Variants in GBE1 observed in about 807,000 individuals in gnomAD.
GBE1 encodes 1,4-alpha-glucan-branching enzyme.
In GBE1, 70 loss-of-function variants were observed where a neutral mutation model predicts 88.8. The ratio of observed to expected loss-of-function variants is 0.79; its 90% CI spans 0.65 to 0.96. The LOEUF is 0.96. Ranked by LOEUF, GBE1 falls within the 40% of genes least tolerant of loss-of-function variation. The pLI, the probability that GBE1 is intolerant of heterozygous loss-of-function variation, is 0.00. For missense variants in GBE1, 872 were observed against 871.0 expected (o/e 1.00, Z -0.01); for synonymous variants, 284 against 300.1 (o/e 0.95, Z 0.56).
chr3:81,670,135 A>C (rs936504552), intron 3 of GBE1, among the ~76,000 whole-genome samples: 2 of 152,214 alleles, frequency 1.3e-5, no homozygotes, highest in Non-Finnish European at 2.9e-5. Context: ...TCTTATAATC[A>C]AATGCCTTAA....
intron 5 of GBE1, 91 bp from the exon 6 acceptor site, chr3:81,646,573 A>C: frequency 1.4e-6 from 1 of 710,750 alleles, no homozygotes; most frequent in Non-Finnish European, 2.4e-6. Context: ...AAATACATTA[A>C]AATTTACAAA....
chr3:81,549,846 T>C (rs962548229), intron 12 of GBE1, among the ~76,000 whole-genome samples: 12 of 151,400 alleles, frequency 7.9e-5, no homozygotes, highest in African/African-American at 2.9e-4. Context: ...CTAGTAAAAA[T>C]GGGAAACTGG....
At chr3:81,593,178 C>A (rs1703904252) in intron 8 of GBE1, among the ~76,000 whole-genome samples, 1 of 151,978 alleles carries the variant, frequency 6.6e-6, no homozygotes, top group African/African-American at 2.4e-5. Context: ...ACCTAGCCAA[C>A]AGGGTGAAAC....
chr3:81,522,550 A>C (rs2106848454), intron 14 of GBE1, among the ~76,000 whole-genome samples: 1 of 151,500 alleles, frequency 6.6e-6, no homozygotes, highest in Non-Finnish European at 1.5e-5. Flanking sequence ...TGCCCCCCCC[A>C]AATTTAAAAT....
intron 12 of GBE1, among the ~76,000 whole-genome samples, chr3:81,572,532 T>C (rs2106925720): frequency 6.6e-6 from 1 of 152,340 alleles, no homozygotes; most frequent in Non-Finnish European, 1.5e-5. Context: ...AAATTTATGA[T>C]TAATTTTTAA....
At chr3:81,754,270 A>T (rs544485907) in intron 1 of GBE1, among the ~76,000 whole-genome samples, 28 of 152,280 alleles carry the variant, frequency 1.8e-4, no homozygotes, top group Admixed American at 9.2e-4. Flanking sequence ...AAAGATCTAT[A>T]CAAGGAAAAC....
chr3:81,662,951 T>C (rs1576190438), intron 3 of GBE1, among the ~76,000 whole-genome samples: 2 of 152,166 alleles, frequency 1.3e-5, no homozygotes, highest in African/African-American at 4.8e-5. Context: ...GTAGATCATA[T>C]AGGGATCAAT....
intron 12 of GBE1, among the ~76,000 whole-genome samples, chr3:81,547,328 C>T (rs1043808457): frequency 1.3e-5 from 2 of 151,558 alleles, no homozygotes; most frequent in South Asian, 2.1e-4. Flanking sequence ...CGGATAAGAA[C>T]GGGTTCAGCA....
intron 3 of GBE1, among the ~76,000 whole-genome samples, chr3:81,668,594 C>A (rs1705146272): frequency 6.6e-6 from 1 of 151,874 alleles, no homozygotes; most frequent in South Asian, 2.1e-4. Context: ...GCTAACAAAG[C>A]AAAAAAATCG....
intron 1 of GBE1, among the ~76,000 whole-genome samples, chr3:81,737,373 ATATTTTTATATATATTTAT>A (rs1559703782): frequency 3.1e-5 from 1 of 32,054 alleles, no homozygotes; most frequent in East Asian, 1.6e-3. Flanking sequence ...ATATTTATAT[ATATTTTTATATATATTTAT>A]ATAAATATAT....
chr3:81,553,796 A>T (rs1703310805), intron 12 of GBE1, among the ~76,000 whole-genome samples: 1 of 151,982 alleles, frequency 6.6e-6, no homozygotes, highest in African/African-American at 2.4e-5. Context: ...AAGAGAACAG[A>T]TAAAGCACTT....
rs140069868 is a variant in GBE1, at chr3:81,749,031, A to G, written c.143+12344T>C. On this transcript the variant is annotated intron_variant, in intron 1 of 15. Coordinates refer to ENST00000429644, the MANE Select transcript of GBE1 (RefSeq NM_000158.4). Reference sequence around the variant, plus strand: ...AAAAAAAAAAAAAAAAGAAAAAAGAAAAAAAGAAAATATCTGGAAATTCCT... The same window carrying G: ...AAAAAAAAAAAAAAAAGAAAAAAGAGAAAAAGAAAATATCTGGAAATTCCT... Among the ~76,000 whole-genome samples the G allele has an allele frequency of 4.9e-3, 750 of 151,962 alleles. 2 individuals are homozygous for G. The highest frequency in any genetic ancestry group is 0.017 in the African/African-American group (720 of 41,506).
At chr3:81,499,825 T>C (rs563293049) in intron 14 of GBE1, among the ~76,000 whole-genome samples, 35 of 152,252 alleles carry the variant, frequency 2.3e-4, no homozygotes, top group African/African-American at 6.3e-4. Flanking sequence ...TATTAGCATA[T>C]TACAGCAAAA....
intron 1 of GBE1, among the ~76,000 whole-genome samples, chr3:81,755,053 G>A (rs1452323847): frequency 1.3e-5 from 2 of 152,016 alleles, no homozygotes; most frequent in Non-Finnish European, 2.9e-5. Flanking sequence ...CATAGAATAG[G>A]AGAAAATATC....
At chr3:81,594,564 T>A (rs1013845934) in intron 7 of GBE1, among the ~76,000 whole-genome samples, 1 of 151,904 alleles carries the variant, frequency 6.6e-6, no homozygotes, top group African/African-American at 2.4e-5. Context: ...TGATTCAGAA[T>A]AAAAAGTAAA....
At chr3:81,739,110 C>G (rs1038630529) in intron 1 of GBE1, among the ~76,000 whole-genome samples, 2 of 152,124 alleles carry the variant, frequency 1.3e-5, no homozygotes, top group African/African-American at 4.8e-5. Context: ...GTAGAACCCT[C>G]AGGATCTAAA....
intron 7 of GBE1, among the ~76,000 whole-genome samples, chr3:81,596,555 A>G (rs923018236): frequency 2.0e-5 from 3 of 151,984 alleles, no homozygotes; most frequent in African/African-American, 7.2e-5. Context: ...ATGAATTGTC[A>G]GTTTCTAAGG....
intron 14 of GBE1, among the ~76,000 whole-genome samples, chr3:81,507,806 T>C (rs1054831647): frequency 1.3e-5 from 2 of 152,118 alleles, no homozygotes; most frequent in African/African-American, 4.8e-5. Flanking sequence ...CTGTCTTCGT[T>C]AAAAGTTTAA....
At chr3:81,660,255 C>T (rs1287460326) in intron 3 of GBE1, among the ~76,000 whole-genome samples, 2 of 151,990 alleles carry the variant, frequency 1.3e-5, no homozygotes, top group African/African-American at 4.8e-5. Context: ...GACTCAGGCA[C>T]TAGAGGTGGA....
Sources: gnomAD v4.1 joint callset for allele counts (sites outside exome capture counted in the v4.1 genomes callset) on GRCh38, gnomAD v4.1.1 for gene constraint, MANE v1.5 for transcripts, NCBI Gene and HGNC (gene_info 2026-07-23, HGNC 2026-07-21) for gene names.